The following DOCK3 variants were observed in gnomAD, a reference collection of about 807,000 sequenced individuals.
DOCK3 encodes the protein dedicator of cytokinesis 3.
DOCK3 carries 60 observed loss-of-function variants against 265.6 expected under a neutral mutation model. The ratio of observed to expected loss-of-function variants is 0.23; its 90% CI spans 0.18 to 0.28. DOCK3 has a LOEUF of 0.28. Among genes scored for constraint, DOCK3 ranks in the 10% least tolerant of loss-of-function variants. The probability of loss-of-function intolerance (pLI) is 1.00; values close to 1 mark genes in which losing one functional copy is unlikely to be tolerated. For missense variants in DOCK3, 1,981 were observed against 2,594.3 expected (o/e 0.76, Z 5.14); for synonymous variants, 881 against 938.0 (o/e 0.94, Z 1.11).
chr3:51,126,526 C>T (rs2084274610), intron 9 of DOCK3, among the ~76,000 whole-genome samples: 1 of 152,182 alleles, frequency 6.6e-6, no homozygotes, highest in African/African-American at 2.4e-5. Context: ...CTCACATGGG[C>T]ACACACCTTC....
Position 51,338,339 on chromosome 3 carries a change from A to G in DOCK3, c.3612-20A>G. The G allele has an allele frequency of 6.4e-7, 1 of 1,551,632 alleles. No individual in the cohort carries two copies. The highest frequency in any genetic ancestry group is 2.0e-5 in the Admixed American group (1 of 51,006). ...AGGCCCCACTTCATATCTGGTGCTC[A>G]TCTGTGCTCTCTCTTCCAGGGACTG... is the stretch of plus-strand genomic sequence containing the variant. On this transcript the variant is annotated intron_variant, in intron 35 of 52. Coordinates refer to ENST00000266037, the MANE Select transcript of DOCK3 (RefSeq NM_004947.5).
At chr3:51,230,043 C>T (rs1011057419) in intron 19 of DOCK3, among the ~76,000 whole-genome samples, 1 of 152,200 alleles carries the variant, frequency 6.6e-6, no homozygotes, top group African/African-American at 2.4e-5. Flanking sequence ...CATGTTGTCT[C>T]AAATGACAAG....
intron 4 of DOCK3, chr3:50,901,082 C>T: frequency 3.6e-6 from 1 of 281,410 alleles, no homozygotes; most frequent in Non-Finnish European, 7.1e-6. Flanking sequence ...TGCTGCCGCC[C>T]CTTCCCCTAG....
intron 2 of DOCK3, chr3:50,787,984 A>G (rs1239624936): frequency 2.4e-6 from 2 of 836,930 alleles, no homozygotes; most frequent in Non-Finnish European, 4.0e-6. Flanking sequence ...CTTCTGTGTC[A>G]TCAGAATTCT....
intron 21 of DOCK3, among the ~76,000 whole-genome samples, chr3:51,242,745 G>C (rs2078664443): frequency 6.6e-6 from 1 of 152,132 alleles, no homozygotes; most frequent in African/African-American, 2.4e-5. Flanking sequence ...GCCCACCAAG[G>C]CTCCATCTGC....
At chr3:50,946,899 A>G (rs777016503) in intron 5 of DOCK3, among the ~76,000 whole-genome samples, 14 of 152,224 alleles carry the variant, frequency 9.2e-5, no homozygotes, top group Non-Finnish European at 1.9e-4. Context: ...TCAGGATGCA[A>G]CGATGGAAGA....
intron 1 of DOCK3, among the ~76,000 whole-genome samples, chr3:50,678,746 A>G (rs1021776997): frequency 2.6e-5 from 4 of 151,834 alleles, no homozygotes; most frequent in African/African-American, 9.7e-5. Context: ...GGCTCAAGCG[A>G]TCCCCCTGCA....
At chr3:51,249,717 G>A (rs1382677818) in intron 22 of DOCK3, among the ~76,000 whole-genome samples, 3 of 125,798 alleles carry the variant, frequency 2.4e-5, no homozygotes, top group Admixed American at 1.5e-4. Context: ...CTGCCCGGCC[G>A]CCCCTACTGG....
intron 1 of DOCK3, among the ~76,000 whole-genome samples, chr3:50,683,891 T>C (rs2034596678): frequency 7.7e-6 from 1 of 130,480 alleles, no homozygotes; most frequent in Non-Finnish European, 1.6e-5. Context: ...CTTGAACTCC[T>C]GACCTCAAGT....
chr3:50,895,240 T>C (rs1325414807), intron 4 of DOCK3, among the ~76,000 whole-genome samples: 1 of 151,286 alleles, frequency 6.6e-6, no homozygotes, highest in Non-Finnish European at 1.5e-5. Flanking sequence ...TGAAAAACTC[T>C]TTTTTTCCTT....
intron 5 of DOCK3, among the ~76,000 whole-genome samples, chr3:50,944,169 A>G (rs934828595): frequency 6.6e-6 from 1 of 152,216 alleles, no homozygotes; most frequent in Non-Finnish European, 1.5e-5. Flanking sequence ...GATGTTTGGA[A>G]AAGAGTGTAT....
intron 32 of DOCK3, among the ~76,000 whole-genome samples, chr3:51,329,935 A>AT (rs1484274709): frequency 6.6e-6 from 1 of 152,122 alleles, no homozygotes; most frequent in Non-Finnish European, 1.5e-5. Context: ...TTTTCAAACC[A>AT]TTAGGGTGGG....
At chr3:51,199,287 A>G (rs2088542589) in intron 12 of DOCK3, among the ~76,000 whole-genome samples, 1 of 152,130 alleles carries the variant, frequency 6.6e-6, no homozygotes, top group African/African-American at 2.4e-5. Context: ...TTCCTAGTCA[A>G]AGAAAGGGGT....
At chr3:50,698,762 G>A (rs1002731242) in intron 1 of DOCK3, among the ~76,000 whole-genome samples, 2 of 151,532 alleles carry the variant, frequency 1.3e-5, no homozygotes, top group East Asian at 1.9e-4. Flanking sequence ...TTCCCTGATG[G>A]CTGATGATGT....
intron 5 of DOCK3, among the ~76,000 whole-genome samples, chr3:50,955,739 C>G (rs1031169826): frequency 1.3e-5 from 2 of 152,062 alleles, no homozygotes; most frequent in Non-Finnish European, 2.9e-5. Flanking sequence ...GGGCACTAGG[C>G]TTAGAACCCG....
At chr3:50,846,647 G>A (rs762748904) in intron 3 of DOCK3, among the ~76,000 whole-genome samples, 5 of 152,056 alleles carry the variant, frequency 3.3e-5, no homozygotes, top group Admixed American at 6.5e-5. Flanking sequence ...GACTTGCTTT[G>A]GTTGATAGGT....
At chr3:50,783,497 A>T (rs186900670) in intron 2 of DOCK3, among the ~76,000 whole-genome samples, 1 of 152,108 alleles carries the variant, frequency 6.6e-6, no homozygotes, top group African/African-American at 2.4e-5. Context: ...TCAATGGACA[A>T]TTCTTGAGAA....
intron 1 of DOCK3, among the ~76,000 whole-genome samples, chr3:50,746,641 G>A (rs2039463627): frequency 6.6e-6 from 1 of 152,064 alleles, no homozygotes; most frequent in Admixed American, 6.6e-5. Flanking sequence ...AGTTCTGCAG[G>A]CTGTACACAC....
At chr3:50,804,484 C>T (rs530511555) in intron 2 of DOCK3, among the ~76,000 whole-genome samples, 1 of 152,292 alleles carries the variant, frequency 6.6e-6, no homozygotes, top group South Asian at 2.1e-4. Flanking sequence ...CGTCTGCAAT[C>T]CCGGTACCTT....
Sources: allele counts gnomAD v4.1 joint callset (sites outside exome capture counted in the v4.1 genomes callset), GRCh38; gene constraint gnomAD v4.1.1; transcripts MANE v1.5; gene names NCBI Gene and HGNC (gene_info 2026-07-23, HGNC 2026-07-21).